The following MRRF variants were observed in gnomAD, a reference collection of about 807,000 sequenced individuals.
The protein encoded by MRRF is mitochondrial ribosome recycling factor, also known as ribosome-recycling factor, mitochondrial.
MRRF carries 18 observed loss-of-function variants against 25.1 expected under a neutral mutation model. The observed-to-expected ratio is 0.72, with a 90% CI of 0.50 to 1.06. MRRF has a LOEUF of 1.06. Ranked by LOEUF, MRRF falls within the 50% of genes least tolerant of loss-of-function variation. The probability of loss-of-function intolerance (pLI) is 0.00; values close to 1 mark genes in which losing one functional copy is unlikely to be tolerated. For synonymous variants in MRRF, 113 were observed against 112.1 expected (o/e 1.01, Z -0.05); for missense variants, 323 against 319.3 (o/e 1.01, Z -0.09).
intron 3 of MRRF, among the ~76,000 whole-genome samples, chr9:122,282,374 T>C (rs577063455): frequency 6.6e-6 from 1 of 152,366 alleles, no homozygotes; most frequent in East Asian, 1.9e-4. Context: ...TTGAGCACTT[T>C]TTCTGTGCTG....
chr9:122,286,431 G>A (rs1402223332), intron 4 of MRRF, among the ~76,000 whole-genome samples: 3 of 152,158 alleles, frequency 2.0e-5, no homozygotes, highest in South Asian at 4.1e-4. Flanking sequence ...TGTGCCAGGC[G>A]TGGTGGCTCA....
intron 5 of MRRF, among the ~76,000 whole-genome samples, chr9:122,305,263 T>C (rs915514798): frequency 3.3e-5 from 5 of 151,750 alleles, no homozygotes; most frequent in African/African-American, 4.8e-5. Flanking sequence ...ATACAAAAAT[T>C]AGCCTGGTGT....
chr9:122,279,291 C>T (rs770062005), intron 2 of MRRF, among the ~76,000 whole-genome samples: 5 of 152,124 alleles, frequency 3.3e-5, no homozygotes, highest in Admixed American at 2.6e-4. Context: ...TTACTTTGGA[C>T]GAAACATTTA....
chr9:122,268,181 T>G (rs558631172), intron 1 of MRRF, among the ~76,000 whole-genome samples: 5 of 152,252 alleles, frequency 3.3e-5, no homozygotes, highest in African/African-American at 9.6e-5. Context: ...TCTGTGCAAT[T>G]AAAATCTACG....
intron 5 of MRRF, among the ~76,000 whole-genome samples, chr9:122,293,861 T>A (rs1833923272): frequency 6.6e-6 from 1 of 152,144 alleles, no homozygotes; most frequent in Non-Finnish European, 1.5e-5. Context: ...CATTTATAGA[T>A]GAAAAATGTG....
At chr9:122,273,363 G>A (rs543034090) in intron 2 of MRRF, among the ~76,000 whole-genome samples, 1 of 150,024 alleles carries the variant, frequency 6.7e-6, no homozygotes, top group Admixed American at 6.7e-5. Context: ...CATTGCTTGA[G>A]CCCAGTAGGT....
chr9:122,295,586 C>G (rs1442778797), intron 5 of MRRF, among the ~76,000 whole-genome samples: 3 of 152,014 alleles, frequency 2.0e-5, no homozygotes, highest in Non-Finnish European at 4.4e-5. Context: ...GCTGGGATTA[C>G]AGGCGCCCGC....
intron 2 of MRRF, among the ~76,000 whole-genome samples, chr9:122,277,581 C>CA (rs1832853468): frequency 6.6e-6 from 1 of 152,048 alleles, no homozygotes; most frequent in African/African-American, 2.4e-5. Flanking sequence ...GACAGAGTCT[C>CA]ACTCTGTCGT....
At chr9:122,268,795 T>G (rs1832274107) in intron 1 of MRRF, among the ~76,000 whole-genome samples, 1 of 152,190 alleles carries the variant, frequency 6.6e-6, no homozygotes, top group African/African-American at 2.4e-5. Context: ...ATCACTAACT[T>G]CTAGTATCCC....
intron 4 of MRRF, chr9:122,285,718 A>T (rs561747998): frequency 8.2e-7 from 1 of 1,220,600 alleles, no homozygotes; most frequent in Admixed American, 3.5e-5. Flanking sequence ...TAGTAACACA[A>T]ATTTTTATGT....
chr9:122,267,069 CAAAAAA>C (rs755642170), intron 1 of MRRF, among the ~76,000 whole-genome samples: 1 of 77,508 alleles, frequency 1.3e-5, no homozygotes, highest in Non-Finnish European at 2.6e-5. Context: ...GACTCCGTCT[CAAAAAA>C]AAAAAAAAAG....
intron 2 of MRRF, among the ~76,000 whole-genome samples, chr9:122,274,761 AT>A (rs1325575134): frequency 2.0e-5 from 3 of 151,576 alleles, no homozygotes; most frequent in Non-Finnish European, 4.4e-5. Flanking sequence ...AGTCATGTCC[AT>A]TTTTTCTTTC....
chr9:122,274,644 T>A (rs1320735768), intron 2 of MRRF, among the ~76,000 whole-genome samples: 1 of 151,906 alleles, frequency 6.6e-6, no homozygotes, highest in Non-Finnish European at 1.5e-5. Context: ...TTCTCTTGAT[T>A]TAGTAAGTTA....
chr9:122,294,633 G>A (rs996502709), intron 5 of MRRF, among the ~76,000 whole-genome samples: 2 of 152,188 alleles, frequency 1.3e-5, no homozygotes, highest in East Asian at 3.8e-4. Context: ...TAGAGGCTGT[G>A]TTACGTGAGA....
chr9:122,308,814 C>T (rs996714258), intron 5 of MRRF, among the ~76,000 whole-genome samples: 2 of 151,722 alleles, frequency 1.3e-5, no homozygotes, highest in East Asian at 1.9e-4. Flanking sequence ...GTGATCCTTT[C>T]GCCTCAGCCT....
Position 122,313,483 on chromosome 9 carries a change from A to ATCTT in MRRF, c.711+100_711+103dup, listed in dbSNP as rs1835327547. On this transcript the variant is annotated intron_variant, in intron 6 of 6. Transcript: ENST00000344641. ...GGACAGTTAAAACAGAATACCTCTG[A>ATCTT]TCTTTCATTCACATTATCACCATTG... 4 of 1,317,226 alleles carry ATCTT rather than the reference A, an allele frequency of 3.0e-6. No homozygotes were observed. The African/African-American group carries it at 4.3e-5, about 14-fold the overall frequency. The allele number at this position is 1,317,226 out of a possible 1,614,324, so 81.6% of individuals were successfully genotyped here. A position where few individuals can be genotyped will look rare whatever the true frequency, so the allele number is the denominator to read the frequency against.
At chr9:122,265,743 A>G (rs543595438) in intron 1 of MRRF, 260 of 1,288,734 alleles carry the variant, frequency 2.0e-4, no homozygotes, top group Non-Finnish European at 2.3e-4. Flanking sequence ...AATACGTGTG[A>G]TTATGAATCT....
intron 2 of MRRF, among the ~76,000 whole-genome samples, chr9:122,271,582 C>T (rs1408191482): frequency 6.6e-6 from 1 of 152,208 alleles, no homozygotes; most frequent in Non-Finnish European, 1.5e-5. Flanking sequence ...CTTTCCTGAC[C>T]TCTTAGACTA....
chr9:122,305,209 G>A (rs971224629), intron 5 of MRRF, among the ~76,000 whole-genome samples: 3 of 152,048 alleles, frequency 2.0e-5, no homozygotes, highest in South Asian at 2.1e-4. Context: ...TCAGGAGTTC[G>A]AGACCAGCCT....
Sources: gnomAD v4.1 joint callset for allele counts (sites outside exome capture counted in the v4.1 genomes callset) on GRCh38, gnomAD v4.1.1 for gene constraint, MANE v1.5 for transcripts, NCBI Gene and HGNC (gene_info 2026-07-23, HGNC 2026-07-21) for gene names.